CTXN2: variants seen among roughly 807,000 people sequenced by gnomAD.
CTXN2 encodes the protein cortexin 2.
CTXN2 carries 3 observed loss-of-function variants against 5.7 expected under a neutral mutation model. The ratio of observed to expected loss-of-function variants is 0.53; its 90% CI spans 0.24 to 1.36. The LOEUF (loss-of-function observed/expected upper bound fraction) is 1.36. Ranked by LOEUF, CTXN2 falls within the 40% of genes most tolerant of loss-of-function variation. The pLI is 0.17. For synonymous variants in CTXN2, 38 were observed against 36.4 expected (o/e 1.04, Z -0.16); for missense variants, 87 against 93.0 (o/e 0.94, Z 0.26).
chr15:48,187,167 G>T (rs917903124), upstream of CTXN2, among the ~76,000 whole-genome samples: 1 of 148,994 alleles, frequency 6.7e-6, no homozygotes, highest in Middle Eastern at 3.5e-3. Flanking sequence ...TCCTCCCCCC[G>T]AAACAATGAT....
intron 1 of CTXN2, among the ~76,000 whole-genome samples, chr15:48,198,564 T>C (rs2040900356): frequency 1.3e-5 from 2 of 152,180 alleles, no homozygotes; most frequent in African/African-American, 4.8e-5. Flanking sequence ...CATATTATAT[T>C]CTAAAGTATA....
intron 1 of CTXN2, among the ~76,000 whole-genome samples, chr15:48,182,183 T>C (rs1224619985): frequency 6.6e-6 from 1 of 152,168 alleles, no homozygotes; most frequent in Non-Finnish European, 1.5e-5. Context: ...CTGCTTACTT[T>C]AGGAGTTCTT....
At chr15:48,198,010 A>G (rs988216394) in intron 1 of CTXN2, among the ~76,000 whole-genome samples, 3 of 152,144 alleles carry the variant, frequency 2.0e-5, no homozygotes, top group African/African-American at 7.2e-5. Context: ...CTACAGTTGA[A>G]TACAAAATTT....
intron 1 of CTXN2, among the ~76,000 whole-genome samples, chr15:48,184,002 A>G (rs2040725105): frequency 6.6e-6 from 1 of 152,234 alleles, no homozygotes; most frequent in Non-Finnish European, 1.5e-5. Context: ...GGACAGTTAC[A>G]TAGGAACTAC....
intron 1 of CTXN2, among the ~76,000 whole-genome samples, chr15:48,199,334 A>G (rs138994183): frequency 1.8e-4 from 27 of 152,302 alleles, no homozygotes; most frequent in African/African-American, 5.8e-4. Flanking sequence ...GTTGCTGGGC[A>G]ATAAGTCCTT....
intron 1 of CTXN2, among the ~76,000 whole-genome samples, chr15:48,200,051 C>T (rs910210435): frequency 6.6e-6 from 1 of 152,144 alleles, no homozygotes; most frequent in African/African-American, 2.4e-5. Flanking sequence ...TCCTGCTTTT[C>T]TTACTCTCTT....
chr15:48,196,212 T>C (rs1405181955), intron 1 of CTXN2, among the ~76,000 whole-genome samples: 2 of 152,100 alleles, frequency 1.3e-5, no homozygotes, highest in Non-Finnish European at 2.9e-5. Context: ...AGTCATTATC[T>C]CCCCTGTTTG....
chr15:48,186,087 A>G (rs2040751347), intron 1 of CTXN2, among the ~76,000 whole-genome samples: 1 of 152,194 alleles, frequency 6.6e-6, no homozygotes. Flanking sequence ...TACTGTAGTT[A>G]TGGCTCATAC....
chr15:48,196,070 T>C (rs540182402), intron 1 of CTXN2, among the ~76,000 whole-genome samples: 1 of 152,276 alleles, frequency 6.6e-6, no homozygotes, highest in East Asian at 1.9e-4. Context: ...ATTATAATAA[T>C]GTTATTACTT....
At chr15:48,188,144 G>T (rs2040776784), upstream of CTXN2, among the ~76,000 whole-genome samples, 1 of 151,284 alleles carries the variant, frequency 6.6e-6, no homozygotes, top group Non-Finnish European at 1.5e-5. Flanking sequence ...ATTTACATGA[G>T]GTCACACATT....
upstream of CTXN2, among the ~76,000 whole-genome samples, chr15:48,188,601 A>T (rs2040782449): frequency 6.6e-6 from 1 of 152,172 alleles, no homozygotes; most frequent in Non-Finnish European, 1.5e-5. Flanking sequence ...ACTGTATATA[A>T]GCTGAGAGCA....
In CTXN2 at chr15:48,191,761, A is replaced by T; in HGVS notation, c.-150A>T. On this transcript the variant is annotated 5_prime_UTR_variant, in exon 1 of 2. Coordinates refer to ENST00000417307, the MANE Select transcript of CTXN2 (RefSeq NM_001145668.2). ...GCAGGTTCCAGAACACGCCTTCTAC[A>T]TTTGTTACTGAACCGATCAGCGAAC... 4.4e-6 allele frequency: 2 copies of T among 455,994 alleles called. No individual in the cohort carries two copies. The highest frequency in any genetic ancestry group is 3.1e-5 in the South Asian group (2 of 64,554). 28.2% of individuals were successfully genotyped at this position (455,994 alleles called of 1,614,324 possible).
upstream of CTXN2, among the ~76,000 whole-genome samples, chr15:48,189,680 A>T (rs1282963830): frequency 6.6e-6 from 1 of 152,256 alleles, no homozygotes; most frequent in Non-Finnish European, 1.5e-5. Context: ...ATTTTGAATA[A>T]ATTATTTTTG....
At chr15:48,184,028 G>A (rs979772363) in intron 1 of CTXN2, among the ~76,000 whole-genome samples, 1 of 152,152 alleles carries the variant, frequency 6.6e-6, no homozygotes, top group African/African-American at 2.4e-5. Flanking sequence ...AACTACTGTA[G>A]ACTAAAAAAT....
rs1371928675 is a variant in CTXN2, at chr15:48,201,774, T to G, written c.*228T>G. 1 of 529,600 alleles carries G rather than the reference T, an allele frequency of 1.9e-6. No individual in the cohort carries two copies. Among genetic ancestry groups the G allele is most frequent in the Non-Finnish European group, 3.5e-6 (1 of 288,612 alleles). The allele number at this position is 529,600 out of a possible 1,614,324, so 32.8% of individuals were successfully genotyped here. On this transcript the variant is annotated 3_prime_UTR_variant, in exon 2 of 2. Transcript: ENST00000417307. The stretch of plus-strand genomic sequence containing the variant: ...CCAATGAATAGAGCATAAGGATGGC[T>G]GCCGCCATGTTTACCATCTTTATTC...
rs1210319414 is a variant in CTXN2, at chr15:48,200,353, G to GA, written c.-57-884dup. ...TTAACTAACTTAAGACATCAAATGG[G>GA]AAAAAAACCTATTTTGTTTCAGTTG... is the stretch of plus-strand genomic sequence containing the variant. On this transcript the variant is annotated intron_variant, in intron 1 of 1. Transcript: ENST00000417307. 3.9e-5 allele frequency among the ~76,000 whole-genome samples: 6 copies of GA among 152,102 alleles called. No individual in the cohort carries two copies. In the East Asian group the frequency reaches 5.8e-4, roughly 15 times the overall value.
At chr15:48,192,858 A>G (rs2040837134) in intron 1 of CTXN2, among the ~76,000 whole-genome samples, 1 of 152,200 alleles carries the variant, frequency 6.6e-6, no homozygotes, top group Non-Finnish European at 1.5e-5. Context: ...CACACTTTTT[A>G]ACATTAGTTT....
rs1025936293 is a variant in CTXN2 at position 48,201,559 on chromosome 15, T to C, written c.*13T>C. ...TGCACTCGCGTGAGAGTTCCAGCTA[T>C]ATGGTTTTTATGGTTGTGCCATCGG... On this transcript the variant is annotated 3_prime_UTR_variant, in exon 2 of 2. Coordinates refer to ENST00000417307, the MANE Select transcript of CTXN2 (RefSeq NM_001145668.2). 1.9e-6 allele frequency: 3 copies of C among 1,549,346 alleles called. No individual in the cohort carries two copies. The highest frequency in any genetic ancestry group is 2.6e-6 in the Non-Finnish European group (3 of 1,145,412).
intron 1 of CTXN2, among the ~76,000 whole-genome samples, chr15:48,181,039 C>T (rs1161716019): frequency 6.6e-6 from 1 of 152,150 alleles, no homozygotes; most frequent in Admixed American, 6.6e-5. Context: ...AGGGGAAAAG[C>T]TATTACACGT....
Sources: gnomAD v4.1 joint callset for allele counts (sites outside exome capture counted in the v4.1 genomes callset) on GRCh38, gnomAD v4.1.1 for gene constraint, MANE v1.5 for transcripts, NCBI Gene and HGNC (gene_info 2026-07-23, HGNC 2026-07-21) for gene names.